Variants in ACP3 observed in about 807,000 individuals in gnomAD.
ACP3 encodes prostatic acid phosphatase.
In ACP3, 38 loss-of-function variants were observed where a neutral mutation model predicts 45.6. The ratio of observed to expected loss-of-function variants is 0.83; its 90% CI spans 0.64 to 1.09. The LOEUF (loss-of-function observed/expected upper bound fraction) is 1.09. Ranked by LOEUF, ACP3 falls within the 50% of genes least tolerant of loss-of-function variation. The probability of loss-of-function intolerance (pLI) is 0.00; values close to 1 mark genes in which losing one functional copy is unlikely to be tolerated. For synonymous variants in ACP3, 162 were observed against 164.7 expected (o/e 0.98, Z 0.13); for missense variants, 466 against 463.2 (o/e 1.01, Z -0.05).
intron 6 of ACP3, 48 bp from the exon 7 acceptor site, chr3:132,344,872 AAGAGGAC>A (rs1251615224): frequency 2.7e-5 from 43 of 1,588,236 alleles, no homozygotes; most frequent in Non-Finnish European, 3.6e-5. Flanking sequence ...TAAGTCAACA[AAGAGGAC>A]AGTCATATAA....
At chr3:132,354,967 A>G (rs992858664) in intron 9 of ACP3, among the ~76,000 whole-genome samples, 3 of 152,222 alleles carry the variant, frequency 2.0e-5, no homozygotes, top group Non-Finnish European at 1.5e-5. Flanking sequence ...TGTCTTCTAT[A>G]TAGATGAACC....
chr3:132,336,645 C>T (rs1937496121), intron 4 of ACP3, among the ~76,000 whole-genome samples: 1 of 152,040 alleles, frequency 6.6e-6, no homozygotes, highest in Admixed American at 6.6e-5. Flanking sequence ...AGGCAGGGAA[C>T]AGTTTTATGC....
At position 132,331,738 on chromosome 3, in the gene ACP3, G is replaced by T; in HGVS notation, c.303+5G>T. 1 of 1,595,092 alleles carries T rather than the reference G, an allele frequency of 6.3e-7. No homozygotes were observed. Among genetic ancestry groups the T allele is most frequent in the Non-Finnish European group, 8.5e-7 (1 of 1,172,042 alleles). ...GAGTCCTATAAACATGAACAGGCAA[G>T]TTGGGGAGCCAAGAGTGGGAACTTT... On this transcript the variant is annotated splice_donor_5th_base_variant and intron_variant, in intron 3 of 9. Coordinates refer to ENST00000336375, the MANE Select transcript of ACP3 (RefSeq NM_001099.5).
intron 4 of ACP3, 76 bp downstream of exon 4, chr3:132,332,420 T>A (rs1937417258): frequency 4.5e-6 from 7 of 1,539,706 alleles, no homozygotes; most frequent in Non-Finnish European, 6.3e-6. Flanking sequence ...CAGTTGTGGA[T>A]TTGGGAGTCT....
At chr3:132,342,485 A>G in intron 5 of ACP3, 67 bp from the exon 6 acceptor site, 2 of 1,167,558 alleles carry the variant, frequency 1.7e-6, no homozygotes, top group Non-Finnish European at 1.3e-6. Flanking sequence ...TGTCTGGCCC[A>G]AAATATCAAT....
In ACP3 at chr3:132,337,063, GGTGTGTGTGTGTGTGTGT is replaced by G. The variant is rs113543420; in HGVS notation, c.457-374_457-357del. The stretch of plus-strand genomic sequence containing the variant: ...CTTTCTCCATACATACATGCGTTGG[GGTGTGTGTGTGTGTGTGT>G]GTGTGTGTGTGTGTGTGTACAGGTG... On this transcript the variant is annotated intron_variant, in intron 4 of 9. Transcript: ENST00000336375. Among the ~76,000 whole-genome samples the G allele has an allele frequency of 9.0e-5, 13 of 144,996 alleles. No individual in the cohort carries two copies. The South Asian group carries it at 2.2e-3, about 25-fold the overall frequency.
At chr3:132,321,232 T>G (rs1415769524) in intron 1 of ACP3, among the ~76,000 whole-genome samples, 1 of 151,664 alleles carries the variant, frequency 6.6e-6, no homozygotes, top group Non-Finnish European at 1.5e-5. Context: ...ATCCCAGCAC[T>G]TTGGAAAGCC....
At chr3:132,352,626 A>G in intron 8 of ACP3, 94 bp from the exon 9 acceptor site, 1 of 852,146 alleles carries the variant, frequency 1.2e-6, no homozygotes, top group Non-Finnish European at 1.9e-6. Context: ...GGGAAATTTA[A>G]TTGAATCAGA....
At chr3:132,361,484 A>C (rs1938039203), downstream of ACP3, among the ~76,000 whole-genome samples, 1 of 152,152 alleles carries the variant, frequency 6.6e-6, no homozygotes, top group South Asian at 2.1e-4. Flanking sequence ...CCTCTAGATC[A>C]AGTCAGTCAC....
chr3:132,328,546 G>GT (rs1225779012), intron 2 of ACP3, among the ~76,000 whole-genome samples, 184 bp downstream of exon 2: 1 of 152,096 alleles, frequency 6.6e-6, no homozygotes, highest in African/African-American at 2.4e-5. Context: ...AGGATTGGTG[G>GT]TGGGCACCTG....
intron 9 of ACP3, among the ~76,000 whole-genome samples, chr3:132,353,417 T>C (rs894779728): frequency 7.2e-5 from 11 of 152,200 alleles, no homozygotes; most frequent in African/African-American, 2.7e-4. Flanking sequence ...AAACCAGAAA[T>C]GTCCTGGAAA....
downstream of ACP3, among the ~76,000 whole-genome samples, chr3:132,360,329 A>AC (rs1012009811): frequency 8.8e-5 from 13 of 148,284 alleles, no homozygotes; most frequent in African/African-American, 3.0e-4. Flanking sequence ...AAAAAAAAAA[A>AC]ACAATACAGG....
intron 1 of ACP3, among the ~76,000 whole-genome samples, chr3:132,319,039 C>T (rs138821470): frequency 3.3e-3 from 502 of 152,294 alleles, no homozygotes; most frequent in African/African-American, 0.011. Flanking sequence ...CTGAGGAAAG[C>T]CAAAATACAA....
At chr3:132,352,693 CG>C in intron 8 of ACP3, 26 bp from the exon 9 acceptor site, 1 of 1,509,032 alleles carries the variant, frequency 6.6e-7, no homozygotes, top group Non-Finnish European at 9.2e-7. Flanking sequence ...TCTGAACAGG[CG>C]ATAAAATTGA....
intron 5 of ACP3, among the ~76,000 whole-genome samples, chr3:132,338,083 G>A (rs996330212): frequency 2.0e-5 from 3 of 151,962 alleles, no homozygotes; most frequent in African/African-American, 7.3e-5. Context: ...GACCCCACAG[G>A]TAACCACTAG....
At chr3:132,354,998 C>T (rs1185826254) in intron 9 of ACP3, among the ~76,000 whole-genome samples, 4 of 152,108 alleles carry the variant, frequency 2.6e-5, no homozygotes, top group Non-Finnish European at 5.9e-5. Flanking sequence ...GAAGTCTTAA[C>T]CCAATGAAAA....
At chr3:132,330,249 A>G (rs1393564993) in intron 2 of ACP3, among the ~76,000 whole-genome samples, 1 of 152,018 alleles carries the variant, frequency 6.6e-6, no homozygotes. Context: ...CTACATAATC[A>G]TAAGATGATG....
intron 1 of ACP3, among the ~76,000 whole-genome samples, chr3:132,320,618 C>A (rs1233313618): frequency 3.3e-5 from 5 of 150,942 alleles, no homozygotes; most frequent in African/African-American, 1.2e-4. Context: ...TTTCTTCATG[C>A]AGAATTCTTA....
intron 5 of ACP3, 132 bp from the exon 6 acceptor site, chr3:132,342,420 C>T (rs1937562095): frequency 1.7e-6 from 1 of 591,904 alleles, no homozygotes; most frequent in Middle Eastern, 3.8e-4. Context: ...GGGCAGAGGC[C>T]AGGATACTGT....
Sources: allele counts gnomAD v4.1 joint callset (sites outside exome capture counted in the v4.1 genomes callset), GRCh38; gene constraint gnomAD v4.1.1; transcripts MANE v1.5; gene names NCBI Gene and HGNC (gene_info 2026-07-23, HGNC 2026-07-21).